RASAL1: variants seen among roughly 807,000 people sequenced by gnomAD.
RASAL1 encodes the protein rasGAP-activating-like protein 1.
RASAL1 carries 72 observed loss-of-function variants against 96.6 expected under a neutral mutation model. That is an observed-to-expected ratio of 0.75 (90% CI 0.62 to 0.91). RASAL1 has a LOEUF of 0.91. RASAL1 is among the 40% of genes least tolerant of loss of function. RASAL1 has a pLI of 0.00. For missense variants in RASAL1, 1,016 were observed against 1,072.5 expected (o/e 0.95, Z 0.74); for synonymous variants, 405 against 430.4 (o/e 0.94, Z 0.73).
chr12:113,113,130 A>G (rs964765955), intron 12 of RASAL1, among the ~76,000 whole-genome samples: 2 of 151,978 alleles, frequency 1.3e-5, no homozygotes, highest in African/African-American at 4.8e-5. Flanking sequence ...TTCCATCTGC[A>G]ATTATTGTGT....
At chr12:113,104,408 A>T in intron 16 of RASAL1, 110 bp from the exon 17 acceptor site, 1 of 1,116,254 alleles carries the variant, frequency 9.0e-7, no homozygotes, top group East Asian at 2.6e-5. Flanking sequence ...GCGGCGGGAC[A>T]TTCAACCCTG....
At chr12:113,120,419 G>C (rs1951251658) in intron 5 of RASAL1, among the ~76,000 whole-genome samples, 1 of 152,186 alleles carries the variant, frequency 6.6e-6, no homozygotes, top group South Asian at 2.1e-4. Context: ...ACTCTAGGAA[G>C]CCCCAGCTGA....
At chr12:113,122,474 C>T (rs1951333565) in intron 4 of RASAL1, among the ~76,000 whole-genome samples, 2 of 152,130 alleles carry the variant, frequency 1.3e-5, no homozygotes, top group East Asian at 1.9e-4. Context: ...CAGATGTATA[C>T]CACCACAGCT....
At chr12:113,134,796 G>A (rs1459769022) in intron 1 of RASAL1, among the ~76,000 whole-genome samples, 1 of 152,134 alleles carries the variant, frequency 6.6e-6, no homozygotes, top group East Asian at 1.9e-4. Context: ...GCAAGGAATT[G>A]GCTCTTCAAG....
Position 113,127,874 on chromosome 12 carries a change from C to A in RASAL1, c.237-1G>T. On this transcript the variant is annotated splice_acceptor_variant, in intron 3 of 20. Transcript: ENST00000548055. LOFTEE classifies it high-confidence loss of function. ...GATCTTGCCGATGATGTCGTCGTGC[C>A]TGCAGGAAGGCGGGCACGTGAAGGT... is the stretch of plus-strand genomic sequence containing the variant. 6.2e-7 allele frequency: 1 copy of A among 1,613,254 alleles called. No individual in the cohort carries two copies. Among genetic ancestry groups the A allele is most frequent in the South Asian group, 1.1e-5 (1 of 91,040 alleles).
rs1368560508 is a variant in RASAL1 at position 113,115,978 on chromosome 12, G to T, written c.805C>A (p.Pro269Thr). 6.2e-7 allele frequency: 1 copy of T among 1,610,234 alleles called. No homozygotes were observed. The highest frequency in any genetic ancestry group is 1.1e-5 in the South Asian group (1 of 90,560). The change falls in exon 9 of 21, where the codon CCT (proline) becomes ACT (threonine). Residue 269 changes from proline (P) to threonine (T), a missense_variant. Transcript: ENST00000548055. This position sits in a 1 kb window ranked among gnomAD's most constrained non-coding sequence, Gnocchi z 4.1. ...GACTCCATGAGCAGCTCCATGAGAG[G>T]CTGGTAGCACTGGGAGGGCAGGACG... ...DRVLPSQCYQ[P>T]LMELLMESVQ... is the part of the protein sequence containing the mutation.
intron 7 of RASAL1, among the ~76,000 whole-genome samples, chr12:113,117,892 G>T (rs889414003): frequency 6.6e-6 from 1 of 152,144 alleles, no homozygotes; most frequent in Non-Finnish European, 1.5e-5. Context: ...GACTCATAAC[G>T]TATAAGGAAA....
In RASAL1 at chr12:113,129,689, C is replaced by G; in HGVS notation, c.122+1196G>C. ...CCTCCCTCCTTTCACCACACTGTGC[C>G]CTAAGAAAGAGTGCACATATGCGCG... is the stretch of plus-strand genomic sequence containing the variant. On this transcript the variant is annotated intron_variant, in intron 2 of 20. Coordinates refer to ENST00000548055, the MANE Select transcript of RASAL1 (RefSeq NM_001301202.2). This position sits in a 1 kb window ranked among gnomAD's most constrained non-coding sequence, Gnocchi z 5.0. Among the ~76,000 whole-genome samples, 1 of 152,262 alleles carries G rather than the reference C, an allele frequency of 6.6e-6. No homozygotes were observed. Among genetic ancestry groups the G allele is most frequent in the East Asian group, 1.9e-4 (1 of 5,178 alleles).
intron 14 of RASAL1, 75 bp from the exon 15 acceptor site, chr12:113,107,316 G>A: frequency 6.9e-7 from 1 of 1,456,866 alleles, no homozygotes; most frequent in Non-Finnish European, 9.1e-7. Flanking sequence ...TCCCAAATCA[G>A]TGCTCAATAA....
intron 16 of RASAL1, among the ~76,000 whole-genome samples, chr12:113,105,370 T>G (rs1950608645): frequency 6.6e-6 from 1 of 152,238 alleles, no homozygotes; most frequent in Non-Finnish European, 1.5e-5. Context: ...GTGAACACAT[T>G]CAATTTTATG....
chr12:113,135,447 A>G lies in RASAL1; in HGVS notation c.16T>C (p.Ser6Pro). 1 of 1,609,352 alleles carries G rather than the reference A, an allele frequency of 6.2e-7. No individual in the cohort carries two copies. Among genetic ancestry groups the G allele is most frequent in the Non-Finnish European group, 8.5e-7 (1 of 1,178,478 alleles). MAKSSSLNVRVVEGRA... is the reference protein window; with the variant it reads MAKSSPLNVRVVEGRA... ...CCCTCCACCACGCGAACATTCAGGGAGCTGCTCTTGGCCATGGCGCCTAGC... is the reference window on the plus strand; with the variant it reads ...CCCTCCACCACGCGAACATTCAGGGGGCTGCTCTTGGCCATGGCGCCTAGC... The change falls in exon 1 of 21, where the codon TCC becomes CCC. Residue 6 changes from serine to proline, a missense_variant. Coordinates refer to ENST00000548055, the MANE Select transcript of RASAL1 (RefSeq NM_001301202.2). This position sits in a 1 kb window ranked among gnomAD's most constrained non-coding sequence, Gnocchi z 5.7.
At chr12:113,128,490 A>AACAC (rs149978369) in intron 2 of RASAL1, among the ~76,000 whole-genome samples, 79 of 138,700 alleles carry the variant, frequency 5.7e-4, no homozygotes, top group African/African-American at 1.8e-3. Flanking sequence ...CAGAGATCTC[A>AACAC]ACACACACAC....
intron 12 of RASAL1, 105 bp from the exon 13 acceptor site, chr12:113,112,383 G>A (rs2136158486): frequency 3.4e-6 from 3 of 879,906 alleles, no homozygotes; most frequent in Middle Eastern, 2.9e-4. Context: ...TTCCCTCCAC[G>A]TCCGCAGCCT....
chr12:113,119,534 G>A (rs1951211963), intron 5 of RASAL1, 91 bp from the exon 6 acceptor site: 1 of 1,255,956 alleles, frequency 8.0e-7, no homozygotes, highest in South Asian at 1.3e-5. Context: ...CAATGTCGCT[G>A]GTTTCCAAGG....
chr12:113,123,634 A>G (rs1268914985), intron 4 of RASAL1, among the ~76,000 whole-genome samples: 1 of 152,162 alleles, frequency 6.6e-6, no homozygotes, highest in African/African-American at 2.4e-5. Flanking sequence ...CCCAGGCTGG[A>G]GTGCAATGGT....
intron 18 of RASAL1, among the ~76,000 whole-genome samples, chr12:113,102,242 C>T (rs893480378): frequency 2.6e-5 from 4 of 151,780 alleles, no homozygotes; most frequent in Non-Finnish European, 5.9e-5. Context: ...ATAGTGAGAC[C>T]TTGTCTCTAC....
intron 4 of RASAL1, among the ~76,000 whole-genome samples, chr12:113,123,573 GT>G (rs1274777202): frequency 6.6e-6 from 1 of 152,042 alleles, no homozygotes; most frequent in Non-Finnish European, 1.5e-5. Context: ...TCACTGTTAG[GT>G]TTTAGCTAAT....
At chr12:113,112,938 C>T (rs969082682) in intron 12 of RASAL1, among the ~76,000 whole-genome samples, 12 of 141,948 alleles carry the variant, frequency 8.5e-5, no homozygotes, top group African/African-American at 2.5e-4. Context: ...GGTGACACAG[C>T]GAGACTCCAT....
rs550571576 is a variant in RASAL1, at chr12:113,129,295, G to A, written c.123-1117C>T. 3.7e-4 allele frequency among the ~76,000 whole-genome samples: 57 copies of A among 152,326 alleles called. No individual in the cohort carries two copies. Among genetic ancestry groups the A allele is most frequent in the African/African-American group, 1.3e-3 (52 of 41,574 alleles). On this transcript the variant is annotated intron_variant, in intron 2 of 20. Coordinates refer to ENST00000548055, the MANE Select transcript of RASAL1 (RefSeq NM_001301202.2). This position sits in a 1 kb window ranked among gnomAD's most constrained non-coding sequence, Gnocchi z 5.0. ...AGGCAAAGTGGGGAGAGACAATGAG[G>A]ACAAGGACAAGTATTCCAGAAGGCT...
Sources: gnomAD v4.1 joint callset for allele counts (sites outside exome capture counted in the v4.1 genomes callset) on GRCh38, gnomAD v4.1.1 for gene constraint, Gnocchi (gnomAD v3.1) non-coding constraint, MANE v1.5 for transcripts, NCBI Gene and HGNC (gene_info 2026-07-23, HGNC 2026-07-21) for gene names.